TRAPPC6B: variants seen among roughly 807,000 people sequenced by gnomAD.
TRAPPC6B encodes the protein TRAPP complex subunit 6B.
TRAPPC6B carries 27 observed loss-of-function variants against 24.7 expected under a neutral mutation model. That is an observed-to-expected ratio of 1.09 (90% CI 0.81 to 1.51). TRAPPC6B has a LOEUF of 1.51. TRAPPC6B is among the 40% of genes most tolerant of loss of function. The pLI is 0.00. For missense variants in TRAPPC6B, 212 were observed against 190.8 expected, an observed-to-expected ratio of 1.11 and a Z score of -0.66; for synonymous variants, 80 against 66.6, an observed-to-expected ratio of 1.20 and a Z score of -0.98.
At position 39,170,142 on chromosome 14, in the gene TRAPPC6B, T is replaced by C. The variant is rs760091232; in HGVS notation, c.-47A>G. ...TTCGAGTTTTGGCTCCCGTTTGAGC[T>C]GGTCTGGGGGTTCCAGCTCGCGCCT... is the stretch of plus-strand genomic sequence containing the variant. On this transcript the variant is annotated 5_prime_UTR_variant, in exon 1 of 6. Transcript: ENST00000330149. 1.1e-5 allele frequency: 18 copies of C among 1,595,188 alleles called. No homozygotes were observed. The highest frequency in any genetic ancestry group is 8.6e-7 in the Non-Finnish European group (1 of 1,167,426).
intron 1 of TRAPPC6B, among the ~76,000 whole-genome samples, chr14:39,161,388 T>C (rs908276753): frequency 4.6e-5 from 7 of 152,168 alleles, no homozygotes; most frequent in Non-Finnish European, 1.0e-4. Context: ...TGAAAAAATG[T>C]CACCCATCCC....
At position 39,147,952 on chromosome 14, in the gene TRAPPC6B, G is replaced by A. The variant is rs1433648492; in HGVS notation, c.*2398C>T. The A allele has an allele frequency of 6.6e-6, 1 of 152,166 alleles. No homozygotes were observed. The highest frequency in any genetic ancestry group is 1.9e-4 in the East Asian group (1 of 5,196). The allele number at this position is 152,166 out of a possible 1,614,324, so 9.4% of individuals were successfully genotyped here. On this transcript the variant is annotated 3_prime_UTR_variant, in exon 6 of 6. Transcript: ENST00000330149. ...AACTCTCCCTTTGTTTCTACTAAGA[G>A]AGGTTTCTTTTTGGCTACAAGTAAC...
intron 3 of TRAPPC6B, among the ~76,000 whole-genome samples, chr14:39,155,822 C>A (rs2139380229): frequency 6.6e-6 from 1 of 152,230 alleles, no homozygotes; most frequent in Middle Eastern, 3.4e-3. Flanking sequence ...CAGGGGTGAG[C>A]CACCGCGCCC....
intron 3 of TRAPPC6B, among the ~76,000 whole-genome samples, chr14:39,156,226 T>C (rs1393516714): frequency 6.6e-6 from 1 of 152,210 alleles, no homozygotes; most frequent in African/African-American, 2.4e-5. Context: ...GGCTCACACC[T>C]GTAATCCCAG....
chr14:39,166,742 T>TA, intron 1 of TRAPPC6B, among the ~76,000 whole-genome samples: 1 of 152,262 alleles, frequency 6.6e-6, no homozygotes, highest in South Asian at 2.1e-4. Flanking sequence ...TTGTAGAACC[T>TA]AAAAAAGGCC....
chr14:39,151,264 A>T (rs961234423), intron 5 of TRAPPC6B, among the ~76,000 whole-genome samples: 12 of 151,582 alleles, frequency 7.9e-5, no homozygotes, highest in Admixed American at 7.9e-4. Flanking sequence ...GTGGCAGGCA[A>T]CTGTAGTCCC....
chr14:39,154,160 C>T lies in TRAPPC6B; in HGVS notation c.351+51G>A, dbSNP rs780981090. 2.7e-6 allele frequency: 3 copies of T among 1,124,768 alleles called. No homozygotes were observed. In the East Asian group the frequency reaches 7.1e-5, roughly 26 times the overall value. The allele number at this position is 1,124,768 out of a possible 1,614,324, so 69.7% of individuals were successfully genotyped here. ...TTGTTATGATTAGCACTGTACTTTT[C>T]CCTGTAGTCCTACTATTAACAAAAA... On this transcript the variant is annotated intron_variant, in intron 4 of 5. Coordinates refer to ENST00000330149, the MANE Select transcript of TRAPPC6B (RefSeq NM_001079537.2).
chr14:39,156,124 G>C (rs2139380518), intron 3 of TRAPPC6B, among the ~76,000 whole-genome samples: 1 of 152,212 alleles, frequency 6.6e-6, no homozygotes. Flanking sequence ...CATGTCTAGA[G>C]AGTAAAAAAA....
In TRAPPC6B at chr14:39,157,303, C is replaced by T. The variant is rs185449408; in HGVS notation, c.267+982G>A. Reference sequence around the variant, plus strand: ...GCTGAAAGTGCCTCCTACAATTAACCAGTTCACCCAGGCCCTGCACCGCCA... The same window carrying T: ...GCTGAAAGTGCCTCCTACAATTAACTAGTTCACCCAGGCCCTGCACCGCCA... On this transcript the variant is annotated intron_variant, in intron 3 of 5. Transcript: ENST00000330149. The T allele has an allele frequency of 2.1e-5, 8 of 373,220 alleles. No individual in the cohort carries two copies. The East Asian group carries it at 2.8e-4, about 13-fold the overall frequency. The allele number at this position is 373,220 out of a possible 1,614,324, so 23.1% of individuals were successfully genotyped here.
rs372730679 is a variant in TRAPPC6B at position 39,170,128 on chromosome 14, G to A, written c.-33C>T. ...TAATTCTTCCAAGCTTCGAGTTTTGGCTCCCGTTTGAGCTGGTCTGGGGGT... is the reference window on the plus strand; with the variant it reads ...TAATTCTTCCAAGCTTCGAGTTTTGACTCCCGTTTGAGCTGGTCTGGGGGT... On this transcript the variant is annotated 5_prime_UTR_variant, in exon 1 of 6. Transcript: ENST00000330149. 6.2e-7 allele frequency: 1 copy of A among 1,611,906 alleles called. No individual in the cohort carries two copies. Among genetic ancestry groups the A allele is most frequent in the East Asian group, 2.2e-5 (1 of 44,844 alleles).
At chr14:39,158,562 G>A (rs2053015392) in intron 2 of TRAPPC6B, 160 bp from the exon 3 acceptor site, 1 of 550,550 alleles carries the variant, frequency 1.8e-6, no homozygotes, top group Middle Eastern at 4.6e-4. Context: ...CTGTCGCCCA[G>A]GTTAGAGTGC....
intron 1 of TRAPPC6B, 152 bp from the exon 2 acceptor site, chr14:39,159,702 T>C (rs926190080): frequency 5.7e-5 from 27 of 477,110 alleles, no homozygotes; most frequent in Non-Finnish European, 8.7e-5. Flanking sequence ...ATAAGGTTGA[T>C]TTTATTTATT....
intron 2 of TRAPPC6B, 108 bp from the exon 3 acceptor site, chr14:39,158,510 G>A: frequency 2.9e-6 from 2 of 691,438 alleles, no homozygotes; most frequent in Non-Finnish European, 4.9e-6. Flanking sequence ...ACATTTATTG[G>A]GTTTTTTAAT....
intron 4 of TRAPPC6B, among the ~76,000 whole-genome samples, chr14:39,152,690 C>T (rs997443739): frequency 6.6e-6 from 1 of 152,080 alleles, no homozygotes; most frequent in South Asian, 2.1e-4. Context: ...GAATTTGTGA[C>T]CCCTATGAAA....
At chr14:39,166,523 T>C (rs1249761636) in intron 1 of TRAPPC6B, among the ~76,000 whole-genome samples, 1 of 152,218 alleles carries the variant, frequency 6.6e-6, no homozygotes, top group Non-Finnish European at 1.5e-5. Context: ...GGGAGAAATT[T>C]AGTTTATAGT....
At chr14:39,153,666 ATTTC>A (rs2052941519) in intron 4 of TRAPPC6B, among the ~76,000 whole-genome samples, 1 of 149,646 alleles carries the variant, frequency 6.7e-6, no homozygotes, top group African/African-American at 2.5e-5. Flanking sequence ...ATACATCTAC[ATTTC>A]ACTGTCATTT....
intron 1 of TRAPPC6B, among the ~76,000 whole-genome samples, chr14:39,166,609 G>C (rs1338191587): frequency 6.6e-6 from 1 of 151,910 alleles, no homozygotes. Context: ...AAGACTATAA[G>C]GTTAGGCTTA....
At chr14:39,150,889 T>A (rs1320534367) in intron 5 of TRAPPC6B, among the ~76,000 whole-genome samples, 1 of 152,168 alleles carries the variant, frequency 6.6e-6, no homozygotes, top group Non-Finnish European at 1.5e-5. Flanking sequence ...TAAGCACTTT[T>A]GTTTCTCTTT....
chr14:39,154,775 G>A (rs907970561), intron 3 of TRAPPC6B, among the ~76,000 whole-genome samples: 3 of 152,000 alleles, frequency 2.0e-5, no homozygotes, highest in South Asian at 2.1e-4. Context: ...GAAGAGTTGC[G>A]AGTTCAGTAT....
Sources: gnomAD v4.1 joint callset for allele counts (sites outside exome capture counted in the v4.1 genomes callset) on GRCh38, gnomAD v4.1.1 for gene constraint, MANE v1.5 for transcripts, NCBI Gene and HGNC (gene_info 2026-07-23, HGNC 2026-07-21) for gene names.